GRM7: variants seen among roughly 807,000 people sequenced by gnomAD.
GRM7 encodes glutamate metabotropic receptor 7.
GRM7 carries 35 observed loss-of-function variants against 84.5 expected under a neutral mutation model. The observed-to-expected ratio is 0.41, with a 90% CI of 0.32 to 0.55. The LOEUF is 0.55. Among genes scored for constraint, GRM7 ranks in the 20% least tolerant of loss-of-function variants. The probability of loss-of-function intolerance (pLI) is 0.19; values close to 1 mark genes in which losing one functional copy is unlikely to be tolerated. For missense variants in GRM7, 1,003 were observed against 1,194.6 expected (o/e 0.84, Z 2.36); for synonymous variants, 487 against 455.1 (o/e 1.07, Z -0.89).
chr3:7,451,398 G>A, intron 5 of GRM7, among the ~76,000 whole-genome samples: 1 of 152,184 alleles, frequency 6.6e-6, no homozygotes, highest in Admixed American at 6.5e-5. Flanking sequence ...AATTGCGACT[G>A]AGCGCCTCGG....
chr3:7,649,324 C>T (rs547236516), intron 8 of GRM7, among the ~76,000 whole-genome samples: 2 of 152,114 alleles, frequency 1.3e-5, no homozygotes, highest in African/African-American at 2.4e-5. Flanking sequence ...CTGCCTCGGC[C>T]TCCCAAAGTG....
At chr3:7,330,459 G>A (rs1172777884) in intron 4 of GRM7, among the ~76,000 whole-genome samples, 25 of 151,962 alleles carry the variant, frequency 1.6e-4, no homozygotes, top group Non-Finnish European at 5.9e-5. Context: ...TTTTAATGTG[G>A]TTCGGCTCTG....
intron 2 of GRM7, among the ~76,000 whole-genome samples, chr3:7,178,853 G>T (rs1363488385): frequency 2.0e-5 from 3 of 152,020 alleles, no homozygotes; most frequent in African/African-American, 7.2e-5. Context: ...GGCCGAGGTG[G>T]GTGGATCACT....
intron 2 of GRM7, among the ~76,000 whole-genome samples, chr3:7,249,871 C>T (rs1330594950): frequency 2.6e-5 from 4 of 152,188 alleles, no homozygotes; most frequent in African/African-American, 9.7e-5. Flanking sequence ...ACTATCTTCT[C>T]TGCAATCTCA....
chr3:7,368,251 T>G (rs1693989253), intron 4 of GRM7, among the ~76,000 whole-genome samples: 1 of 152,046 alleles, frequency 6.6e-6, no homozygotes, highest in African/African-American at 2.4e-5. Context: ...GAACTAATAA[T>G]TGTGCCACTA....
intron 9 of GRM7, among the ~76,000 whole-genome samples, chr3:7,694,817 C>T (rs891130863): frequency 2.0e-5 from 3 of 152,092 alleles, no homozygotes; most frequent in African/African-American, 7.2e-5. Flanking sequence ...GAAAATTTGC[C>T]AAAAACAAAC....
chr3:7,199,246 C>A (rs1282736131), intron 2 of GRM7, among the ~76,000 whole-genome samples: 1 of 152,136 alleles, frequency 6.6e-6, no homozygotes, highest in Non-Finnish European at 1.5e-5. Flanking sequence ...CATAAAGAAC[C>A]TTGAGATGGA....
intron 4 of GRM7, among the ~76,000 whole-genome samples, chr3:7,348,050 C>A (rs1389185963): frequency 6.6e-6 from 1 of 152,138 alleles, no homozygotes; most frequent in Non-Finnish European, 1.5e-5. Context: ...ATCCCAAGGT[C>A]AGCCTAGTGG....
chr3:6,883,923 A>G (rs550897955), intron 1 of GRM7, among the ~76,000 whole-genome samples: 2 of 152,350 alleles, frequency 1.3e-5, no homozygotes, highest in South Asian at 2.1e-4. Flanking sequence ...CGTACTGTGC[A>G]GGGCAGAGAT....
chr3:7,165,245 C>T (rs1257413688), intron 2 of GRM7, among the ~76,000 whole-genome samples: 2 of 152,320 alleles, frequency 1.3e-5, no homozygotes, highest in East Asian at 3.9e-4. Context: ...CTTGTGTAGA[C>T]ACCTTCAATT....
intron 1 of GRM7, among the ~76,000 whole-genome samples, chr3:6,992,919 G>C (rs1360696236): frequency 6.6e-6 from 1 of 152,228 alleles, no homozygotes; most frequent in Non-Finnish European, 1.5e-5. Context: ...TCAGGGCAGA[G>C]AAAGATAGGA....
At chr3:6,924,979 A>G (rs972134448) in intron 1 of GRM7, among the ~76,000 whole-genome samples, 10 of 152,298 alleles carry the variant, frequency 6.6e-5, no homozygotes, top group African/African-American at 2.4e-4. Context: ...ACCCACAGTT[A>G]CATACGAAGT....
intron 5 of GRM7, among the ~76,000 whole-genome samples, chr3:7,437,162 C>T (rs983955545): frequency 1.3e-5 from 2 of 152,188 alleles, no homozygotes; most frequent in African/African-American, 2.4e-5. Context: ...CAAAGCCTAT[C>T]TCTTCTACTT....
At chr3:6,947,633 C>T (rs557258012) in intron 1 of GRM7, among the ~76,000 whole-genome samples, 1 of 152,170 alleles carries the variant, frequency 6.6e-6, no homozygotes, top group Non-Finnish European at 1.5e-5. Context: ...GGAATGGTAC[C>T]AGCTCCTCCT....
At chr3:7,113,098 T>C (rs73117003) in intron 1 of GRM7, among the ~76,000 whole-genome samples, 6,857 of 152,228 alleles carry the variant, frequency 0.045, 506 homozygotes, top group African/African-American at 0.16. Context: ...TGATGAACTT[T>C]TAGTAATACC....
At chr3:7,605,872 T>C (rs1193979501) in intron 8 of GRM7, among the ~76,000 whole-genome samples, 1 of 152,202 alleles carries the variant, frequency 6.6e-6, no homozygotes, top group East Asian at 1.9e-4. Flanking sequence ...AACTTTGCTA[T>C]TGTAGTGCAA....
In GRM7 at chr3:7,468,581, C is replaced by T. The variant is rs142813086; in HGVS notation, c.1515+6859C>T. On this transcript the variant is annotated intron_variant, in intron 7 of 9. Coordinates refer to ENST00000357716, the MANE Select transcript of GRM7 (RefSeq NM_000844.4). ...ACAAAAATAACAATAATTTCACATC[C>T]TTAGTTTGTCCCATGATGATATGGT... Among the ~76,000 whole-genome samples, 657 of 152,268 alleles carry T rather than the reference C, an allele frequency of 4.3e-3. 2 individuals carry two copies. The highest frequency in any genetic ancestry group is 9.4e-3 in the Admixed American group (144 of 15,296).
intron 2 of GRM7, among the ~76,000 whole-genome samples, chr3:7,226,877 C>T (rs1373176906): frequency 6.6e-6 from 1 of 152,096 alleles, no homozygotes; most frequent in African/African-American, 2.4e-5. Context: ...TCGTTACAAA[C>T]ATTGTTTCAG....
intron 2 of GRM7, among the ~76,000 whole-genome samples, chr3:7,170,404 A>T (rs1694946235): frequency 6.6e-6 from 1 of 151,844 alleles, no homozygotes; most frequent in Non-Finnish European, 1.5e-5. Context: ...CAGGAACATA[A>T]CTCTGCTGCA....
Sources: allele counts gnomAD v4.1 joint callset (sites outside exome capture counted in the v4.1 genomes callset), GRCh38; gene constraint gnomAD v4.1.1; transcripts MANE v1.5; gene names NCBI Gene and HGNC (gene_info 2026-07-23, HGNC 2026-07-21).